The following KCNT2 variants were observed in gnomAD, a reference collection of about 807,000 sequenced individuals.
The protein encoded by KCNT2 is potassium sodium-activated channel subfamily T member 2.
Under a neutral mutation model 153.8 loss-of-function variants are expected in KCNT2, and 67 were observed. The ratio of observed to expected loss-of-function variants is 0.44; its 90% confidence interval spans 0.36 to 0.53. The LOEUF (loss-of-function observed/expected upper bound fraction) is 0.53, where lower values mean the gene tolerates loss of function less well. Among genes scored for constraint, KCNT2 ranks in the 20% least tolerant of loss-of-function variants. The pLI is 0.00. For synonymous variants in KCNT2, 500 were observed against 458.8 expected (o/e 1.09, Z -1.15); for missense variants, 975 against 1,354.8 (o/e 0.72, Z 4.40).
At chr1:196,278,399 T>G (rs1233509697) in intron 25 of KCNT2, among the ~76,000 whole-genome samples, 1 of 152,184 alleles carries the variant, frequency 6.6e-6, no homozygotes, top group Non-Finnish European at 1.5e-5. Flanking sequence ...TGGATTGAAT[T>G]CAGTAGAGAA....
Position 196,399,113 on chromosome 1 carries a change from GTC to G in KCNT2, c.1186-444_1186-443del, listed in dbSNP as rs1491511766. 3.4e-3 allele frequency among the ~76,000 whole-genome samples: 451 copies of G among 134,426 alleles called. 3 individuals are homozygous for G. Among genetic ancestry groups the G allele is most frequent in the African/African-American group, 9.6e-3 (384 of 40,100 alleles). The allele number at this position is 134,426 out of a possible 152,430, so 88.2% of individuals were successfully genotyped here. ...CCTGTGTGTATGTGTGTGTGTGTGT[GTC>G]TGTGTGTGTACCTGTGTGGTATGTT... On this transcript the variant is annotated intron_variant, in intron 12 of 27. Coordinates refer to ENST00000294725, the MANE Select transcript of KCNT2 (RefSeq NM_198503.5).
chr1:196,536,944 T>A (rs1325903612), intron 1 of KCNT2, among the ~76,000 whole-genome samples: 8 of 152,212 alleles, frequency 5.3e-5, no homozygotes. Flanking sequence ...ACTCCTTCTA[T>A]ATCAATGAAT....
intron 21 of KCNT2, among the ~76,000 whole-genome samples, chr1:196,307,972 A>G (rs1352801669): frequency 6.6e-6 from 1 of 152,062 alleles, no homozygotes; most frequent in Non-Finnish European, 1.5e-5. Flanking sequence ...GATATTCACC[A>G]TATATGGTTG....
intron 25 of KCNT2, among the ~76,000 whole-genome samples, chr1:196,269,357 A>G (rs1035021024): frequency 1.3e-5 from 2 of 150,428 alleles, no homozygotes; most frequent in Non-Finnish European, 3.0e-5. Context: ...GTGTGTGTAT[A>G]TGTGTGTGTG....
chr1:196,271,761 A>G (rs972434900), intron 25 of KCNT2, among the ~76,000 whole-genome samples: 1 of 151,966 alleles, frequency 6.6e-6, no homozygotes, highest in Non-Finnish European at 1.5e-5. Flanking sequence ...CTATCTGTGA[A>G]TTAGGATGCA....
At chr1:196,482,665 C>T (rs1446703385) in intron 3 of KCNT2, among the ~76,000 whole-genome samples, 1 of 151,964 alleles carries the variant, frequency 6.6e-6, no homozygotes, top group Non-Finnish European at 1.5e-5. Context: ...AAACCCTTTA[C>T]TGGATAATTC....
intron 1 of KCNT2, among the ~76,000 whole-genome samples, chr1:196,566,609 G>A (rs1660143527): frequency 2.0e-5 from 3 of 151,982 alleles, no homozygotes; most frequent in African/African-American, 7.2e-5. Context: ...GGACAAAAAG[G>A]AAAATTTTAT....
At chr1:196,268,606 C>G (rs1657764696) in intron 25 of KCNT2, among the ~76,000 whole-genome samples, 1 of 152,138 alleles carries the variant, frequency 6.6e-6, no homozygotes, top group Non-Finnish European at 1.5e-5. Flanking sequence ...TGACAGCTTT[C>G]AAGATCCAAT....
intron 21 of KCNT2, among the ~76,000 whole-genome samples, chr1:196,311,995 G>A (rs1662228802): frequency 6.6e-6 from 1 of 151,764 alleles, no homozygotes; most frequent in African/African-American, 2.4e-5. Context: ...AACATGAAAT[G>A]TTTTCCAATT....
Position 196,378,635 on chromosome 1 carries a change from A to G in KCNT2, c.1295-5387T>C, listed in dbSNP as rs377489218. Among the ~76,000 whole-genome samples, 15 of 150,890 alleles carry G rather than the reference A, an allele frequency of 9.9e-5. No homozygotes were observed. The South Asian group carries it at 2.9e-3, about 29-fold the overall frequency. ...TTAACCATAGTTCAAGCCTTTAGGC[A>G]CCCAAGAAACCATGTACATTATGTA... On this transcript the variant is annotated intron_variant, in intron 13 of 27. Coordinates refer to ENST00000294725, the MANE Select transcript of KCNT2 (RefSeq NM_198503.5).
intron 14 of KCNT2, among the ~76,000 whole-genome samples, chr1:196,348,815 C>T (rs746490795): frequency 2.0e-5 from 3 of 152,002 alleles, no homozygotes; most frequent in East Asian, 1.9e-4. Context: ...CTCATGATGT[C>T]GGGGGTTTGA....
intron 1 of KCNT2, among the ~76,000 whole-genome samples, chr1:196,504,998 A>T (rs575732309): frequency 2.0e-5 from 3 of 152,122 alleles, no homozygotes; most frequent in Admixed American, 2.0e-4. Context: ...TTTGTCAGAT[A>T]AGTAGGTTGT....
intron 14 of KCNT2, among the ~76,000 whole-genome samples, chr1:196,370,139 A>T (rs1322415112): frequency 6.6e-6 from 1 of 152,280 alleles, no homozygotes; most frequent in Non-Finnish European, 1.5e-5. Flanking sequence ...AAACTAGTTC[A>T]ACCATTGTGG....
intron 22 of KCNT2, among the ~76,000 whole-genome samples, chr1:196,292,139 A>C (rs145627683): frequency 1.2e-3 from 186 of 152,356 alleles, no homozygotes; most frequent in African/African-American, 4.4e-3. Flanking sequence ...GCACTGACCT[A>C]GGTTCTTAGC....
intron 1 of KCNT2, among the ~76,000 whole-genome samples, chr1:196,571,000 C>T (rs1409764467): frequency 6.6e-5 from 10 of 152,060 alleles, no homozygotes; most frequent in African/African-American, 2.2e-4. Context: ...TCTAATATGT[C>T]CCATATGGCA....
intron 17 of KCNT2, among the ~76,000 whole-genome samples, chr1:196,333,013 C>T (rs1664638801): frequency 6.6e-6 from 1 of 151,938 alleles, no homozygotes; most frequent in Non-Finnish European, 1.5e-5. Context: ...TTGTCTCAAA[C>T]TCCTGACCTC....
intron 22 of KCNT2, among the ~76,000 whole-genome samples, chr1:196,300,679 C>A (rs1661104310): frequency 6.6e-6 from 1 of 152,156 alleles, no homozygotes; most frequent in Admixed American, 6.6e-5. Context: ...CCTAGGCATA[C>A]AAATACACAG....
At chr1:196,392,579 T>C (rs998634753) in intron 13 of KCNT2, among the ~76,000 whole-genome samples, 2 of 151,394 alleles carry the variant, frequency 1.3e-5, no homozygotes, top group African/African-American at 4.8e-5. Context: ...CATCCATATG[T>C]TATTTAGAAA....
At chr1:196,317,721 A>G (rs1031190024) in intron 20 of KCNT2, among the ~76,000 whole-genome samples, 4 of 151,732 alleles carry the variant, frequency 2.6e-5, no homozygotes, top group African/African-American at 9.7e-5. Flanking sequence ...CAATCATTCA[A>G]TGACGTTGAA....
Sources: allele counts gnomAD v4.1 joint callset (sites outside exome capture counted in the v4.1 genomes callset), GRCh38; gene constraint gnomAD v4.1.1; transcripts MANE v1.5; gene names NCBI Gene and HGNC (gene_info 2026-07-23, HGNC 2026-07-21).